ATP9B: variants seen among roughly 807,000 people sequenced by gnomAD.
ATP9B encodes probable phospholipid-transporting ATPase IIB.
In ATP9B, 110 loss-of-function variants were observed where a neutral mutation model predicts 146.1. That is an observed-to-expected ratio of 0.75 (90% CI 0.65 to 0.88). ATP9B has a LOEUF of 0.88. Among genes scored for constraint, ATP9B ranks in the 40% least tolerant of loss-of-function variants. The pLI is 0.00. For missense variants in ATP9B, 1,499 were observed against 1,496.4 expected, an observed-to-expected ratio of 1.00 and a Z score of -0.03; for synonymous variants, 604 against 569.7, an observed-to-expected ratio of 1.06 and a Z score of -0.86.
At chr18:79,202,230 AC>A in intron 9 of ATP9B, among the ~76,000 whole-genome samples, 1 of 152,088 alleles carries the variant, frequency 6.6e-6, no homozygotes, top group Non-Finnish European at 1.5e-5. Context: ...TGATTGTATA[AC>A]CTTTTTCATT....
At chr18:79,310,787 G>GTT (rs58315954) in intron 15 of ATP9B, among the ~76,000 whole-genome samples, 2,752 of 151,248 alleles carry the variant, frequency 0.018, 32 homozygotes, top group Non-Finnish European at 0.027. Flanking sequence ...ACTTCCAGGG[G>GTT]TTTTTTTTTG....
At chr18:79,325,285 T>C (rs955884097) in intron 15 of ATP9B, among the ~76,000 whole-genome samples, 10 of 152,144 alleles carry the variant, frequency 6.6e-5, no homozygotes, top group East Asian at 1.9e-4. Context: ...CCATCTCTTA[T>C]GCCTTTTCTG....
At chr18:79,198,425 A>G (rs2095436504) in intron 9 of ATP9B, among the ~76,000 whole-genome samples, 2 of 152,262 alleles carry the variant, frequency 1.3e-5, no homozygotes, top group South Asian at 4.1e-4. Flanking sequence ...GGAGACAAGT[A>G]AGCCCTAAAC....
chr18:79,303,651 A>G lies in ATP9B; in HGVS notation c.1459A>G (p.Thr487Ala). The G allele has an allele frequency of 6.2e-6, 10 of 1,614,066 alleles. No homozygotes were observed. The highest frequency in any genetic ancestry group is 8.5e-6 in the Non-Finnish European group (10 of 1,180,002). Residue 487 changes from threonine to alanine, a missense_variant, in exon 14 of 30, where the codon ACC becomes GCC. By Grantham distance (58) the Thr-to-Ala change is moderately conservative. Transcript: ENST00000426216. ...EMIFKRLHLG[T>A]VSYGADTMDE... ...GATATTTAAGCGGCTGCACCTGGGC[A>G]CCGTGTCCTATGGCGCCGACACGAT...
intron 10 of ATP9B, among the ~76,000 whole-genome samples, chr18:79,212,218 C>A (rs1056855260): frequency 1.3e-5 from 2 of 152,164 alleles, no homozygotes; most frequent in African/African-American, 4.8e-5. Context: ...CAGAAAAATT[C>A]ATTTAATCTA....
chr18:79,072,731 T>C (rs7236858), intron 1 of ATP9B, among the ~76,000 whole-genome samples: 1 of 86,688 alleles, frequency 1.2e-5, no homozygotes, highest in Admixed American at 1.1e-4. Flanking sequence ...AGGCGGCTGC[T>C]GGGCGGGGGC....
intron 1 of ATP9B, among the ~76,000 whole-genome samples, chr18:79,091,829 C>T (rs1672273842): frequency 6.6e-6 from 1 of 152,158 alleles, no homozygotes; most frequent in African/African-American, 2.4e-5. Context: ...ACAGTGGTGA[C>T]AGTGGGCTGA....
intron 2 of ATP9B, among the ~76,000 whole-genome samples, chr18:79,110,129 A>G (rs1568194943): frequency 6.6e-6 from 1 of 152,192 alleles, no homozygotes; most frequent in Non-Finnish European, 1.5e-5. Flanking sequence ...AAACAGAAAG[A>G]TAATTCCCCT....
chr18:79,195,662 A>G (rs2095411266), intron 9 of ATP9B, among the ~76,000 whole-genome samples: 1 of 152,214 alleles, frequency 6.6e-6, no homozygotes, highest in Non-Finnish European at 1.5e-5. Flanking sequence ...GCTCAAGAAT[A>G]AAACAGGATA....
intron 26 of ATP9B, among the ~76,000 whole-genome samples, chr18:79,367,052 G>C (rs2097034570): frequency 6.6e-6 from 1 of 150,494 alleles, no homozygotes; most frequent in Non-Finnish European, 1.5e-5. Context: ...CTCAACCAGA[G>C]AGCACACATA....
At chr18:79,350,457 C>T (rs1264165428) in intron 25 of ATP9B, among the ~76,000 whole-genome samples, 2 of 152,190 alleles carry the variant, frequency 1.3e-5, no homozygotes, top group African/African-American at 2.4e-5. Context: ...CTCTCCTGGC[C>T]GCTGAGGCTC....
intron 4 of ATP9B, chr18:79,117,067 A>C (rs1182957008): frequency 6.6e-6 from 1 of 152,158 alleles, no homozygotes; most frequent in Non-Finnish European, 1.5e-5. Flanking sequence ...ACTTGTTGGA[A>C]TACTGTGTAG....
chr18:79,246,024 A>C (rs1187357993), intron 11 of ATP9B, among the ~76,000 whole-genome samples: 84 of 103,878 alleles, frequency 8.1e-4, no homozygotes, highest in East Asian at 2.6e-3. Context: ...CTACTGACTG[A>C]GGAGGGCACC....
At chr18:79,277,340 C>T in intron 13 of ATP9B, 144 bp downstream of exon 13, 1 of 1,024,376 alleles carries the variant, frequency 9.8e-7, no homozygotes, top group Non-Finnish European at 1.4e-6. Flanking sequence ...TAGAATTTTT[C>T]AGCCTCTACT....
chr18:79,273,186 C>T (rs1284290572), intron 12 of ATP9B, among the ~76,000 whole-genome samples: 2 of 152,184 alleles, frequency 1.3e-5, no homozygotes, highest in Non-Finnish European at 2.9e-5. Context: ...TGTGTCTGTT[C>T]ATTTCAGGGT....
rs199718884 is a variant in ATP9B, at chr18:79,326,441, G to T, written c.1774-2700G>T. Among the ~76,000 whole-genome samples the T allele has an allele frequency of 1.0e-3, 119 of 117,676 alleles. 2 individuals are homozygous for T. The highest frequency in any genetic ancestry group is 5.1e-3 in the Middle Eastern group (1 of 198). The allele number at this position is 117,676 out of a possible 152,430, so 77.2% of individuals were successfully genotyped here. A position where few individuals can be genotyped will look rare whatever the true frequency, so the allele number is the denominator to read the frequency against. ...CCTCCCTCCCCTCACATGGTGTTAG[G>T]GTGTCATCCCTGCACACTCCTTCCC... On this transcript the variant is annotated intron_variant, in intron 15 of 29. Coordinates refer to ENST00000426216, the MANE Select transcript of ATP9B (RefSeq NM_198531.5).
intron 11 of ATP9B, among the ~76,000 whole-genome samples, chr18:79,242,839 T>G (rs1446737674): frequency 2.0e-5 from 3 of 152,230 alleles, no homozygotes; most frequent in Admixed American, 2.0e-4. Flanking sequence ...TTTAAAATAA[T>G]GTTGCATTTT....
rs1322618078 is a variant in ATP9B, at chr18:79,070,951, CCATTTA to C, written c.119+1430_119+1435del. On this transcript the variant is annotated intron_variant, in intron 1 of 29. Transcript: ENST00000426216. ...TTCTCTTTTGATTGGCATATTTACA[CCATTTA>C]CATTTACGATAATTACTGATATGTT... 2.6e-5 allele frequency among the ~76,000 whole-genome samples: 4 copies of C among 151,838 alleles called. No homozygotes were observed. The East Asian group carries it at 7.8e-4, about 29-fold the overall frequency.
chr18:79,084,367 A>T (rs1437092928), intron 1 of ATP9B, among the ~76,000 whole-genome samples: 1 of 152,074 alleles, frequency 6.6e-6, no homozygotes, highest in African/African-American at 2.4e-5. Context: ...CTGTGGTAAA[A>T]TATAGGTAAC....
Sources: allele counts gnomAD v4.1 joint callset (sites outside exome capture counted in the v4.1 genomes callset), GRCh38; gene constraint gnomAD v4.1.1; transcripts MANE v1.5; gene names NCBI Gene and HGNC (gene_info 2026-07-23, HGNC 2026-07-21).